ASCC1: variants seen among roughly 807,000 people sequenced by gnomAD.
The protein encoded by ASCC1 is ASC-1 complex subunit P50.
A neutral mutation model predicts 46.6 loss-of-function variants in ASCC1; 35 were observed. The observed-to-expected ratio is 0.75, with a 90% CI of 0.57 to 0.99. The LOEUF (loss-of-function observed/expected upper bound fraction) is 0.99. Ranked by LOEUF, ASCC1 falls within the 50% of genes least tolerant of loss-of-function variation. ASCC1 has a pLI of 0.00. For synonymous variants in ASCC1, 143 were observed against 146.6 expected, an observed-to-expected ratio of 0.98 and a Z score of 0.18; for missense variants, 376 against 428.7, an observed-to-expected ratio of 0.88 and a Z score of 1.09.
rs186521818 is a variant in ASCC1 at position 72,184,837 on chromosome 10, T to A, written c.489+11974A>T. Among the ~76,000 whole-genome samples, 179 of 149,672 alleles carry A rather than the reference T, an allele frequency of 1.2e-3. 1 individual carries two copies. The East Asian group carries it at 0.013, about 11-fold the overall frequency. On this transcript the variant is annotated intron_variant, in intron 5 of 9. Transcript: ENST00000672957. ...ACACAATAGTAAGAAACAAAAAAAATTTTAAATAAGCAATATCACGCACTT... is the reference window on the plus strand; with the variant it reads ...ACACAATAGTAAGAAACAAAAAAAAATTTAAATAAGCAATATCACGCACTT...
chr10:72,097,127 G>C lies in ASCC1; in HGVS notation c.*207C>G. ...AAACCAGAACACACTAAGGGTTATA[G>C]GCACAAATTCTCCTTATGCCCACCA... is the stretch of plus-strand genomic sequence containing the variant. On this transcript the variant is annotated 3_prime_UTR_variant, in exon 10 of 10. Coordinates refer to ENST00000672957, the MANE Select transcript of ASCC1 (RefSeq NM_001198800.3). The C allele has an allele frequency of 1.5e-6, 1 of 646,424 alleles. No homozygotes were observed. The highest frequency in any genetic ancestry group is 2.9e-6 in the Non-Finnish European group (1 of 345,866). The allele number at this position is 646,424 out of a possible 1,614,324, so 40.0% of individuals were successfully genotyped here.
chr10:72,190,662 T>G, intron 5 of ASCC1: 1 of 706,570 alleles, frequency 1.4e-6, no homozygotes, highest in Non-Finnish European at 2.3e-6. Flanking sequence ...CTGTTAAAGC[T>G]AGTCTGCAAA....
chr10:72,214,065 G>A (rs956140496), intron 1 of ASCC1, among the ~76,000 whole-genome samples: 1 of 144,314 alleles, frequency 6.9e-6, no homozygotes, highest in East Asian at 2.1e-4. Flanking sequence ...AAGAGAAAGA[G>A]AAAAGGGCCA....
intron 9 of ASCC1, among the ~76,000 whole-genome samples, chr10:72,109,744 A>C (rs1224311221): frequency 6.6e-6 from 1 of 152,224 alleles, no homozygotes; most frequent in Non-Finnish European, 1.5e-5. Flanking sequence ...CAAAATGCCA[A>C]GGGATTTCCC....
chr10:72,177,132 G>GCATGAAT (rs1420451317), intron 5 of ASCC1, among the ~76,000 whole-genome samples: 1 of 152,002 alleles, frequency 6.6e-6, no homozygotes, highest in Non-Finnish European at 1.5e-5. Flanking sequence ...AATAACTAGT[G>GCATGAAT]CATGAATCAA....
chr10:72,128,043 G>C (rs763580338), intron 9 of ASCC1, 39 bp downstream of exon 9: 149 of 1,481,486 alleles, frequency 1.0e-4, no homozygotes, highest in Non-Finnish European at 1.4e-4. Context: ...TTTAGGACAT[G>C]TGCCAAAGGA....
intron 5 of ASCC1, among the ~76,000 whole-genome samples, chr10:72,170,609 A>AG (rs1564690019): frequency 6.6e-6 from 1 of 151,554 alleles, no homozygotes; most frequent in East Asian, 1.9e-4. Context: ...AAAAAAAAAA[A>AG]AAAAGAAAGA....
rs1028643568 is a variant in ASCC1 at position 72,165,407 on chromosome 10, C to T, written c.490-3733G>A. 2.6e-5 allele frequency among the ~76,000 whole-genome samples: 4 copies of T among 152,354 alleles called. 2 individuals carry two copies. Among genetic ancestry groups the T allele is most frequent in the Admixed American group, 2.6e-4 (4 of 15,302 alleles). On this transcript the variant is annotated intron_variant, in intron 5 of 9. Coordinates refer to ENST00000672957, the MANE Select transcript of ASCC1 (RefSeq NM_001198800.3). Reference sequence around the variant, plus strand: ...CTGGGATTACAGGCATGAGCCACCGCGCCCGGCCAAGTTGAAGCTCTTCTA... The same window carrying T: ...CTGGGATTACAGGCATGAGCCACCGTGCCCGGCCAAGTTGAAGCTCTTCTA...
intron 5 of ASCC1, among the ~76,000 whole-genome samples, chr10:72,172,803 T>A (rs1213860647): frequency 7.4e-6 from 1 of 135,112 alleles, no homozygotes; most frequent in East Asian, 2.0e-4. Context: ...TATATTATAT[T>A]TTTATATTAT....
At chr10:72,161,790 G>C in intron 5 of ASCC1, 116 bp from the exon 6 acceptor site, 1 of 1,220,760 alleles carries the variant, frequency 8.2e-7, no homozygotes, top group South Asian at 1.2e-5. Context: ...TTTTCCACAA[G>C]GTGCCAAGAC....
In ASCC1 at chr10:72,106,147, C is replaced by T. The variant is rs16929671; in HGVS notation, c.958-8697G>A. ...AATCTACTTCTTGTGCTGGTGGCCT[C>T]GGTGAACTATTTGCTGTCTCAATAC... On this transcript the variant is annotated intron_variant, in intron 9 of 9. Coordinates refer to ENST00000672957, the MANE Select transcript of ASCC1 (RefSeq NM_001198800.3). 6.5e-3 allele frequency among the ~76,000 whole-genome samples: 982 copies of T among 152,120 alleles called. 10 individuals are homozygous for T. Among genetic ancestry groups the T allele is most frequent in the African/African-American group, 0.023 (937 of 41,452 alleles).
intron 6 of ASCC1, 93 bp downstream of exon 6, chr10:72,161,445 T>A: frequency 6.5e-7 from 1 of 1,535,050 alleles, no homozygotes; most frequent in Non-Finnish European, 9.0e-7. Context: ...CCTTCCCATG[T>A]TATACACCCT....
chr10:72,193,445 AACAC>A (rs57910616), intron 5 of ASCC1, among the ~76,000 whole-genome samples: 62,350 of 146,296 alleles, frequency 0.43, 13,545 homozygotes, highest in Non-Finnish European at 0.5. Context: ...TAATAAACAA[AACAC>A]ACACACACAC....
rs146285596 is a variant in ASCC1, at chr10:72,139,900, T to C, written c.747-6719A>G. ...TGTTATTAATAGATCTACAATCCACTAAGATAAAATTTTGTTATTATTTTT... is the reference window on the plus strand; with the variant it reads ...TGTTATTAATAGATCTACAATCCACCAAGATAAAATTTTGTTATTATTTTT... On this transcript the variant is annotated intron_variant, in intron 7 of 9. Transcript: ENST00000672957. 2.5e-3 allele frequency among the ~76,000 whole-genome samples: 385 copies of C among 152,310 alleles called. 3 individuals are homozygous for C. The highest frequency in any genetic ancestry group is 8.3e-3 in the African/African-American group (344 of 41,568).
intron 7 of ASCC1, among the ~76,000 whole-genome samples, chr10:72,147,844 G>A (rs1203973079): frequency 1.3e-5 from 2 of 152,080 alleles, no homozygotes; most frequent in Non-Finnish European, 2.9e-5. Context: ...ATAATTCCCT[G>A]GAAACTATAA....
intron 5 of ASCC1, among the ~76,000 whole-genome samples, chr10:72,189,011 C>T (rs1853943428): frequency 6.6e-6 from 1 of 152,140 alleles, no homozygotes; most frequent in African/African-American, 2.4e-5. Flanking sequence ...CAGCCTCGGC[C>T]TCCCAAAGTG....
rs566072066 is a variant in ASCC1, at chr10:72,114,401, G to A, written c.957+13681C>T. Among the ~76,000 whole-genome samples, 76 of 152,250 alleles carry A rather than the reference G, an allele frequency of 5.0e-4. 1 individual carries two copies. In the South Asian group the frequency reaches 0.014, roughly 29 times the overall value. Reference sequence around the variant, plus strand: ...AGCATTTTGGGAGGCCGAGGCAGGCGGATCACGAGGTCAGGAGATCGAGAC... The same window carrying A: ...AGCATTTTGGGAGGCCGAGGCAGGCAGATCACGAGGTCAGGAGATCGAGAC... On this transcript the variant is annotated intron_variant, in intron 9 of 9. Transcript: ENST00000672957.
At chr10:72,188,423 T>A (rs1039425232) in intron 5 of ASCC1, among the ~76,000 whole-genome samples, 1 of 151,978 alleles carries the variant, frequency 6.6e-6, no homozygotes, top group Non-Finnish European at 1.5e-5. Flanking sequence ...CCGACCTGGT[T>A]TCTAATACTT....
intron 3 of ASCC1, among the ~76,000 whole-genome samples, chr10:72,204,850 C>CATTG (rs1443707095): frequency 6.6e-5 from 10 of 152,244 alleles, no homozygotes; most frequent in Non-Finnish European, 1.0e-4. Context: ...TCCCACCTTA[C>CATTG]CAATTAGGAG....
Sources: allele counts gnomAD v4.1 joint callset (sites outside exome capture counted in the v4.1 genomes callset), GRCh38; gene constraint gnomAD v4.1.1; transcripts MANE v1.5; gene names NCBI Gene and HGNC (gene_info 2026-07-23, HGNC 2026-07-21).